RBFOX3: variants seen among roughly 807,000 people sequenced by gnomAD.
RBFOX3 encodes the protein RNA binding fox-1 homolog 3, also known as RNA binding protein fox-1 homolog 3.
Under a neutral mutation model 48.7 loss-of-function variants are expected in RBFOX3, and 17 were observed. The observed-to-expected ratio is 0.35, with a 90% confidence interval of 0.24 to 0.52. The LOEUF is 0.52. Among genes scored for constraint, RBFOX3 ranks in the 20% least tolerant of loss-of-function variants. RBFOX3 has a pLI of 0.94. For synonymous variants in RBFOX3, 212 were observed against 209.5 expected (o/e 1.01, Z -0.10); for missense variants, 382 against 497.5 (o/e 0.77, Z 2.21).
rs2061507579 is a variant in RBFOX3 at position 79,392,713 on chromosome 17, G to A, written c.-174-84889C>T. On this transcript the variant is annotated intron_variant, in intron 2 of 14. Coordinates refer to ENST00000693108, the MANE Select transcript of RBFOX3 (RefSeq NM_001350451.2). The surrounding 1 kb of genome is among the most constrained non-coding windows in gnomAD (Gnocchi z 5.0). Reference sequence around the variant, plus strand: ...CAGTGGCTCTATGAGCTTGGGTCCTGAGTGAGGGCAACAGCACAGCACAAC... The same window carrying A: ...CAGTGGCTCTATGAGCTTGGGTCCTAAGTGAGGGCAACAGCACAGCACAAC... Among the ~76,000 whole-genome samples, 1 of 152,130 alleles carries A rather than the reference G, an allele frequency of 6.6e-6. No homozygotes were observed. The highest frequency in any genetic ancestry group is 1.5e-5 in the Non-Finnish European group (1 of 68,032).
chr17:79,392,669 A>T lies in RBFOX3; in HGVS notation c.-174-84845T>A, dbSNP rs1242259175. Among the ~76,000 whole-genome samples, 1 of 152,118 alleles carries T rather than the reference A, an allele frequency of 6.6e-6. No homozygotes were observed. The highest frequency in any genetic ancestry group is 2.4e-5 in the African/African-American group (1 of 41,436). ...TGCAGTACCACACCCTCTCTTCCCG[A>T]TATCTGGCAAGCATCGGGCAGTGGC... On this transcript the variant is annotated intron_variant, in intron 2 of 14. Coordinates refer to ENST00000693108, the MANE Select transcript of RBFOX3 (RefSeq NM_001350451.2). The surrounding 1 kb of genome is among the most constrained non-coding windows in gnomAD (Gnocchi z 5.0).
intron 2 of RBFOX3, among the ~76,000 whole-genome samples, chr17:79,398,738 G>T (rs1384760847): frequency 2.6e-5 from 4 of 152,198 alleles, no homozygotes; most frequent in African/African-American, 9.7e-5. Context: ...AAGGGCAGGG[G>T]CACAGTGGCC....
chr17:79,554,485 A>C, intron 1 of RBFOX3, among the ~76,000 whole-genome samples: 1 of 151,366 alleles, frequency 6.6e-6, no homozygotes, highest in Non-Finnish European at 1.5e-5. Context: ...CTCCATCTTC[A>C]CTCACAGTCA....
At chr17:79,554,846 G>T (rs2091490876) in intron 1 of RBFOX3, among the ~76,000 whole-genome samples, 3 of 152,192 alleles carry the variant, frequency 2.0e-5, no homozygotes, top group African/African-American at 7.2e-5. Context: ...ACCACCATGA[G>T]GTGGGGTTTC....
At chr17:79,413,806 T>C (rs59232500) in intron 2 of RBFOX3, among the ~76,000 whole-genome samples, 1,734 of 152,306 alleles carry the variant, frequency 0.011, 31 homozygotes, top group African/African-American at 0.039. Flanking sequence ...CCAGCAGCCA[T>C]GTGCACTGGC....
At chr17:79,216,892 A>G (rs2059125937) in intron 4 of RBFOX3, among the ~76,000 whole-genome samples, 1 of 152,054 alleles carries the variant, frequency 6.6e-6, no homozygotes, top group East Asian at 1.9e-4. Context: ...TGCCCCTGCC[A>G]TTGAGCCCAC....
rs1175406655 is a variant in RBFOX3, at chr17:79,103,661, C to T, written c.415-407G>A. 1.3e-5 allele frequency among the ~76,000 whole-genome samples: 2 copies of T among 152,130 alleles called. No homozygotes were observed. The highest frequency in any genetic ancestry group is 2.4e-5 in the African/African-American group (1 of 41,424). ...GGGGCAGCCCACCCATCTCCACCCT[C>T]GGAGCCCAGGGTAGAGGGTCGTGCC... On this transcript the variant is annotated intron_variant, in intron 7 of 14. Coordinates refer to ENST00000693108, the MANE Select transcript of RBFOX3 (RefSeq NM_001350451.2). The surrounding 1 kb of genome is among the most constrained non-coding windows in gnomAD (Gnocchi z 6.1).
intron 2 of RBFOX3, among the ~76,000 whole-genome samples, chr17:79,382,345 G>A (rs1401312116): frequency 6.6e-6 from 1 of 152,208 alleles, no homozygotes; most frequent in Admixed American, 6.5e-5. Flanking sequence ...ACCACTCCAG[G>A]TTGGGGGCTA....
At chr17:79,501,229 C>T (rs1367905865) in intron 1 of RBFOX3, among the ~76,000 whole-genome samples, 1 of 152,180 alleles carries the variant, frequency 6.6e-6, no homozygotes, top group Non-Finnish European at 1.5e-5. Flanking sequence ...GTTGGTTGAG[C>T]AATACGCTCC....
At chr17:79,332,681 AAG>A (rs1255847831) in intron 2 of RBFOX3, among the ~76,000 whole-genome samples, 3 of 141,152 alleles carry the variant, frequency 2.1e-5, no homozygotes, top group East Asian at 2.0e-4. Flanking sequence ...CAGAGAGACA[AAG>A]AGAGACGGAG....
intron 1 of RBFOX3, among the ~76,000 whole-genome samples, chr17:79,543,839 G>A (rs556500159): frequency 1.3e-5 from 2 of 151,998 alleles, no homozygotes; most frequent in African/African-American, 4.8e-5. Flanking sequence ...CAGCCAGGGT[G>A]GGCCGAATGG....
chr17:79,191,864 A>T (rs1599894222), intron 4 of RBFOX3, among the ~76,000 whole-genome samples: 1 of 152,130 alleles, frequency 6.6e-6, no homozygotes, highest in Non-Finnish European at 1.5e-5. Flanking sequence ...GTTAGGCAGG[A>T]CCCTGGGCAG....
At chr17:79,177,165 C>T (rs950893124) in intron 4 of RBFOX3, among the ~76,000 whole-genome samples, 1 of 152,146 alleles carries the variant, frequency 6.6e-6, no homozygotes, top group Admixed American at 6.5e-5. Flanking sequence ...GGGTTGCAAG[C>T]ACCTCCCCAG....
intron 2 of RBFOX3, among the ~76,000 whole-genome samples, chr17:79,445,516 C>A (rs1315144897): frequency 1.3e-5 from 2 of 152,156 alleles, no homozygotes; most frequent in Non-Finnish European, 2.9e-5. Context: ...ACAAGCAGAG[C>A]AATTTCCAGA....
At position 79,226,446 on chromosome 17, in the gene RBFOX3, C is replaced by G. The variant is rs543336144; in HGVS notation, c.-34+9320G>C. 3.9e-5 allele frequency among the ~76,000 whole-genome samples: 6 copies of G among 152,266 alleles called. No individual in the cohort carries two copies. The East Asian group carries it at 1.2e-3, about 29-fold the overall frequency. On this transcript the variant is annotated intron_variant, in intron 4 of 14. Coordinates refer to ENST00000693108, the MANE Select transcript of RBFOX3 (RefSeq NM_001350451.2). ...AGGATTTTGTAATGGTTGGTATTCACGGGGAGGTGGGGATGGCTTCCTGGC... is the reference window on the plus strand; with the variant it reads ...AGGATTTTGTAATGGTTGGTATTCAGGGGGAGGTGGGGATGGCTTCCTGGC...
At chr17:79,626,400 G>A in the RBFOX3 span, among the ~76,000 whole-genome samples, 8 of 152,216 alleles carry the variant, frequency 5.3e-5, no homozygotes, top group East Asian at 1.9e-4. Flanking sequence ...CTGTCTCAGC[G>A]GGCCACGCCA....
At chr17:79,463,538 T>A (rs1291460621) in intron 2 of RBFOX3, among the ~76,000 whole-genome samples, 1 of 77,016 alleles carries the variant, frequency 1.3e-5, no homozygotes, top group African/African-American at 5.6e-5. Context: ...CACTGCCACC[T>A]CCACCACCAT....
At chr17:79,179,614 G>A (rs960810770) in intron 4 of RBFOX3, among the ~76,000 whole-genome samples, 3 of 152,110 alleles carry the variant, frequency 2.0e-5, no homozygotes, top group African/African-American at 7.2e-5. Context: ...CAATAGGATG[G>A]AATAAGATTC....
intron 2 of RBFOX3, among the ~76,000 whole-genome samples, chr17:79,409,066 G>A (rs2063925475): frequency 6.6e-6 from 1 of 152,254 alleles, no homozygotes; most frequent in African/African-American, 2.4e-5. Context: ...TACCTACCCT[G>A]GGTATTTCAT....
Sources: gnomAD v4.1 joint callset for allele counts (sites outside exome capture counted in the v4.1 genomes callset) on GRCh38, gnomAD v4.1.1 for gene constraint, Gnocchi (gnomAD v3.1) non-coding constraint, MANE v1.5 for transcripts, NCBI Gene and HGNC (gene_info 2026-07-23, HGNC 2026-07-21) for gene names.